DPRX: variants seen among roughly 807,000 people sequenced by gnomAD.
The protein encoded by DPRX is divergent-paired related homeobox, also known as divergent paired-related homeobox.
A neutral mutation model predicts 8.4 loss-of-function variants in DPRX; 11 were observed. That is an observed-to-expected ratio of 1.31 (90% confidence interval 0.82 to 2.17). The LOEUF is 2.17. DPRX is among the 30% of genes most tolerant of loss of function. The probability of loss-of-function intolerance (pLI) is 0.00; values close to 1 mark genes in which losing one functional copy is unlikely to be tolerated. For synonymous variants in DPRX, 72 were observed against 87.0 expected, an observed-to-expected ratio of 0.83 and a Z score of 0.96; for missense variants, 211 against 236.7, an observed-to-expected ratio of 0.89 and a Z score of 0.71.
At chr19:53,603,208 T>C in the DPRX span, 2 of 407,018 alleles carry the variant, frequency 4.9e-6, no homozygotes, top group Non-Finnish European at 1.0e-5. Context: ...TAATCCACTG[T>C]GCCCGGCCAA....
At chr19:53,616,793 C>A in the DPRX span, 8 of 1,579,674 alleles carry the variant, frequency 5.1e-6, no homozygotes, top group Admixed American at 5.3e-5. Context: ...ATGGCCCTTG[C>A]TGCCACCAAC....
chr19:53,608,953 CAAAAAAAAA>C, the DPRX span, among the ~76,000 whole-genome samples: 16,191 of 76,870 alleles, frequency 0.21, 1,023 homozygotes, highest in South Asian at 0.29. Context: ...GAGACTCCGT[CAAAAAAAAA>C]AAAAAAAAAA....
the DPRX span, among the ~76,000 whole-genome samples, chr19:53,608,981 AAAAG>A: frequency 2.4e-4 from 33 of 140,050 alleles, no homozygotes; most frequent in African/African-American, 5.6e-4. Context: ...AAAAGGAAAG[AAAAG>A]AAAGAAAGAG....
At chr19:53,625,062 C>CTTT in the DPRX span, among the ~76,000 whole-genome samples, 21 of 120,274 alleles carry the variant, frequency 1.7e-4, no homozygotes, top group Non-Finnish European at 2.0e-4. Flanking sequence ...TCATCATGGG[C>CTTT]TTTTTTTTTT....
the DPRX span, among the ~76,000 whole-genome samples, chr19:53,612,053 T>C: frequency 3.9e-3 from 579 of 149,758 alleles, 3 homozygotes; most frequent in African/African-American, 0.013. Context: ...CACTGCACTC[T>C]AGCCTGGGTG....
At chr19:53,628,322 A>G (rs2091078756), upstream of DPRX, among the ~76,000 whole-genome samples, 1 of 152,188 alleles carries the variant, frequency 6.6e-6, no homozygotes, top group Middle Eastern at 3.2e-3. Context: ...TATCCTGAGC[A>G]ACAGAGCAAG....
the DPRX span, among the ~76,000 whole-genome samples, chr19:53,621,704 G>A: frequency 6.6e-6 from 1 of 151,868 alleles, no homozygotes; most frequent in African/African-American, 2.4e-5. Context: ...AGAATCGGTT[G>A]AACCTGGAGG....
the DPRX span, among the ~76,000 whole-genome samples, chr19:53,624,413 T>TTTATTTATTTA: frequency 6.7e-6 from 1 of 150,058 alleles, no homozygotes; most frequent in East Asian, 2.0e-4. Context: ...TTGTTTTTTG[T>TTTATTTATTTA]TTTTTTTGAG....
chr19:53,631,655 G>A (rs570493029), upstream of DPRX, among the ~76,000 whole-genome samples: 10 of 152,104 alleles, frequency 6.6e-5, no homozygotes, highest in East Asian at 2.0e-3. Context: ...AGCTACTCGG[G>A]AGGCTGAGAC....
chr19:53,624,050 A>G, the DPRX span, among the ~76,000 whole-genome samples: 3 of 128,252 alleles, frequency 2.3e-5, no homozygotes, highest in Admixed American at 2.4e-4. Context: ...TAAAGAGTGT[A>G]TTTCATATTA....
At chr19:53,618,714 G>A in the DPRX span, among the ~76,000 whole-genome samples, 3 of 137,632 alleles carry the variant, frequency 2.2e-5, no homozygotes, top group South Asian at 6.8e-4. Flanking sequence ...ACGGAGACTT[G>A]CTCTGTCACC....
the DPRX span, among the ~76,000 whole-genome samples, chr19:53,620,298 T>TC: frequency 3.3e-5 from 5 of 151,970 alleles, no homozygotes; most frequent in Non-Finnish European, 5.9e-5. Flanking sequence ...CTCGATCTCC[T>TC]GACCTCATGA....
the DPRX span, chr19:53,601,262 C>T: frequency 4.4e-6 from 2 of 456,324 alleles, no homozygotes; most frequent in East Asian, 1.4e-4. Context: ...GGAAGCCACT[C>T]ACCAATCAAC....
At chr19:53,602,716 G>A in the DPRX span, among the ~76,000 whole-genome samples, 6 of 151,752 alleles carry the variant, frequency 4.0e-5, no homozygotes, top group South Asian at 1.0e-3. Flanking sequence ...TGTATTTTTA[G>A]TAGAGATGGG....
the DPRX span, among the ~76,000 whole-genome samples, chr19:53,603,191 C>G: frequency 6.6e-6 from 1 of 151,440 alleles, no homozygotes; most frequent in Non-Finnish European, 1.5e-5. Context: ...TGCTGGGATT[C>G]CATGTGTAAT....
chr19:53,637,000 A>C, exon 3 of DPRX: 2 of 1,581,564 alleles, frequency 1.3e-6, no homozygotes, highest in Non-Finnish European at 1.7e-6. Context: ...AAATACAAAA[A>C]GTCACATGTT....
the DPRX span, among the ~76,000 whole-genome samples, chr19:53,625,982 G>C: frequency 6.6e-6 from 1 of 151,886 alleles, no homozygotes; most frequent in African/African-American, 2.4e-5. Context: ...TGTCACCCAG[G>C]CTAGAGTGCA....
At chr19:53,635,215 C>T (rs1600572241) in intron 2 of DPRX, among the ~76,000 whole-genome samples, 2 of 152,242 alleles carry the variant, frequency 1.3e-5, no homozygotes, top group East Asian at 3.9e-4. Context: ...CTATATTGCC[C>T]AGGAGGCTGA....
chr19:53,609,001 A>C, the DPRX span, among the ~76,000 whole-genome samples: 1 of 150,904 alleles, frequency 6.6e-6, no homozygotes, highest in Non-Finnish European at 1.5e-5. Context: ...AAGAGAAAGA[A>C]AGAAAGAAAG....
Sources: allele counts gnomAD v4.1 joint callset (sites outside exome capture counted in the v4.1 genomes callset), GRCh38; gene constraint gnomAD v4.1.1; transcripts MANE v1.5; gene names NCBI Gene and HGNC (gene_info 2026-07-23, HGNC 2026-07-21).